Variants in VPS13B observed in about 807,000 individuals in gnomAD.
VPS13B encodes the protein vacuolar protein sorting 13 homolog B.
In VPS13B, 285 loss-of-function variants were observed where a neutral mutation model predicts 426.4. That is an observed-to-expected ratio of 0.67 (90% CI 0.61 to 0.74). The LOEUF (loss-of-function observed/expected upper bound fraction) is 0.74. Ranked by LOEUF, VPS13B falls within the 30% of genes least tolerant of loss-of-function variation. The pLI, the probability that VPS13B is intolerant of heterozygous loss-of-function variation, is 0.00. For missense variants in VPS13B, 4,537 were observed against 4,782.6 expected (o/e 0.95, Z 1.51); for synonymous variants, 1,676 against 1,676.4 (o/e 1.00, Z 0.01).
At chr8:99,865,082 T>C (rs1817030029) in intron 58 of VPS13B, among the ~76,000 whole-genome samples, 1 of 152,108 alleles carries the variant, frequency 6.6e-6, no homozygotes, top group Non-Finnish European at 1.5e-5. Flanking sequence ...CAGGGAAAAG[T>C]GTCTGCTGGC....
intron 25 of VPS13B, among the ~76,000 whole-genome samples, chr8:99,497,520 A>G (rs1820992465): frequency 6.6e-6 from 1 of 151,780 alleles, no homozygotes; most frequent in South Asian, 2.1e-4. Flanking sequence ...TTATTGATTC[A>G]AGAATTAAAA....
At position 99,103,136 on chromosome 8, in the gene VPS13B, G is replaced by A; in HGVS notation, c.580+16G>A. 1 of 1,612,916 alleles carries A rather than the reference G, an allele frequency of 6.2e-7. No individual in the cohort carries two copies. Among genetic ancestry groups the A allele is most frequent in the Non-Finnish European group, 8.5e-7 (1 of 1,179,096 alleles). Reference sequence around the variant, plus strand: ...GATATTTCTGGTGAGTAAATATGGAGAATACCGTATATTTTTCCATAATTG... The same window carrying A: ...GATATTTCTGGTGAGTAAATATGGAAAATACCGTATATTTTTCCATAATTG... On this transcript the variant is annotated intron_variant, in intron 5 of 61. Transcript: ENST00000357162.
intron 33 of VPS13B, among the ~76,000 whole-genome samples, chr8:99,626,716 A>C (rs1182474606): frequency 6.6e-6 from 1 of 152,224 alleles, no homozygotes; most frequent in Non-Finnish European, 1.5e-5. Context: ...ATTATGGAAA[A>C]AAGTATGGAA....
At chr8:99,150,739 A>G (rs1182946955) in intron 14 of VPS13B, among the ~76,000 whole-genome samples, 1 of 152,140 alleles carries the variant, frequency 6.6e-6, no homozygotes, top group East Asian at 1.9e-4. Flanking sequence ...TGCACTTACT[A>G]ATATTCCATT....
chr8:99,469,813 T>A (rs2133519080), intron 24 of VPS13B, among the ~76,000 whole-genome samples: 1 of 152,230 alleles, frequency 6.6e-6, no homozygotes, highest in Middle Eastern at 3.4e-3. Context: ...GTGACTGGTA[T>A]CCTTATAAAA....
At position 99,835,676 on chromosome 8, in the gene VPS13B, C is replaced by A. The variant is rs1333323439; in HGVS notation, c.9880C>A (p.Pro3294Thr). 2 of 1,613,976 alleles carry A rather than the reference C, an allele frequency of 1.2e-6. No homozygotes were observed. Among genetic ancestry groups the A allele is most frequent in the Non-Finnish European group, 1.7e-6 (2 of 1,180,016 alleles). Residue 3294 changes from proline (P) to threonine (T), a missense_variant, in exon 54 of 62, where the codon CCT becomes ACT. Physicochemically the swap from Pro to Thr is conservative, Grantham distance 38. Transcript: ENST00000357162. Reference sequence around the variant, plus strand: ...TCCAAGCCTACTTTTGAGAGTTGAACCTCTAGATGAAGTAACAACTGAGTG... The same window carrying A: ...TCCAAGCCTACTTTTGAGAGTTGAAACTCTAGATGAAGTAACAACTGAGTG... ...LLPSLLLRVE[P>T]LDEVTTEWSD...
chr8:99,692,721 CA>C (rs1437694612), intron 35 of VPS13B, among the ~76,000 whole-genome samples: 25,025 of 133,070 alleles, frequency 0.19, 2,861 homozygotes, highest in East Asian at 0.37. Context: ...AATAGAGAAA[CA>C]AAAAAACCCT....
chr8:99,622,598 T>C (rs1367043410), intron 33 of VPS13B, among the ~76,000 whole-genome samples: 1 of 152,214 alleles, frequency 6.6e-6, no homozygotes, highest in South Asian at 2.1e-4. Flanking sequence ...CTACAGATAA[T>C]TTTATAATGA....
Position 99,049,402 on chromosome 8 carries a change from C to G in VPS13B, c.291+10836C>G, listed in dbSNP as rs549242765. Among the ~76,000 whole-genome samples, 34 of 152,048 alleles carry G rather than the reference C, an allele frequency of 2.2e-4. No individual in the cohort carries two copies. The East Asian group carries it at 4.3e-3, about 19-fold the overall frequency. ...TTTATTTGTCTGAAAAAGACTCTAT[C>G]TTTCCTTCATTTATGAAGCTTAGTT... On this transcript the variant is annotated intron_variant, in intron 3 of 61. Coordinates refer to ENST00000357162, the MANE Select transcript of VPS13B (RefSeq NM_152564.5).
At chr8:99,485,492 G>A (rs892715668) in intron 25 of VPS13B, among the ~76,000 whole-genome samples, 7 of 152,170 alleles carry the variant, frequency 4.6e-5, no homozygotes, top group African/African-American at 1.7e-4. Flanking sequence ...GGCCTTTAGA[G>A]TCTTTGGATG....
At chr8:99,254,756 C>T (rs1272966489) in intron 17 of VPS13B, among the ~76,000 whole-genome samples, 6 of 151,996 alleles carry the variant, frequency 3.9e-5, no homozygotes, top group Admixed American at 3.9e-4. Flanking sequence ...GATTCTCCTG[C>T]CTCAGCCTCT....
At chr8:99,612,725 A>T (rs1372511113) in intron 33 of VPS13B, among the ~76,000 whole-genome samples, 1 of 152,180 alleles carries the variant, frequency 6.6e-6, no homozygotes, top group African/African-American at 2.4e-5. Flanking sequence ...GAACGTCAGC[A>T]TTACTAAAGG....
chr8:99,028,733 T>A, intron 2 of VPS13B, among the ~76,000 whole-genome samples: 2 of 134,054 alleles, frequency 1.5e-5, no homozygotes, highest in African/African-American at 2.8e-5. Flanking sequence ...CCCCCCCACC[T>A]CCCTCCTGGA....
chr8:99,720,450 G>C lies in VPS13B; in HGVS notation c.6763G>C (p.Val2255Leu), dbSNP rs978704426. The C allele has an allele frequency of 6.2e-7, 1 of 1,614,036 alleles. No homozygotes were observed. The highest frequency in any genetic ancestry group is 1.7e-4 in the Middle Eastern group (1 of 6,058). ...TTTTGAAGTACAAGTTTCTGAACCAGTGCCTCAAATGTCATCTCCTGTGGA... is the reference window on the plus strand; with the variant it reads ...TTTTGAAGTACAAGTTTCTGAACCACTGCCTCAAATGTCATCTCCTGTGGA... The part of the protein sequence containing the change: ...GNFEVQVSEP[V>L]PQMSSPVEKN... The change falls in exon 38 of 62, where the codon GTG (valine) becomes CTG (leucine). Residue 2255 changes from valine (V) to leucine (L), a missense_variant. Around this residue, in one of 2 missense-constraint regions of VPS13B, gnomAD observed 4,311 missense variants for 4,474.3 expected, o/e 0.96. Transcript: ENST00000357162.
chr8:99,741,966 A>G (rs1250513546), intron 39 of VPS13B, among the ~76,000 whole-genome samples: 1 of 152,198 alleles, frequency 6.6e-6, no homozygotes, highest in African/African-American at 2.4e-5. Flanking sequence ...GCAAGAAATA[A>G]CTAAGATCAG....
chr8:99,302,757 C>A (rs1035221199), intron 19 of VPS13B, among the ~76,000 whole-genome samples: 2 of 152,106 alleles, frequency 1.3e-5, no homozygotes, highest in African/African-American at 4.8e-5. Context: ...GATCCACCTG[C>A]CTTGGCCTCC....
chr8:99,861,477 C>G (rs1391828313), intron 57 of VPS13B, among the ~76,000 whole-genome samples: 1 of 152,134 alleles, frequency 6.6e-6, no homozygotes, highest in Non-Finnish European at 1.5e-5. Context: ...AATTTTTTAA[C>G]TTTTCATAGA....
intron 30 of VPS13B, among the ~76,000 whole-genome samples, chr8:99,540,044 TATATATATATATATA>T (rs1563785017): frequency 2.4e-4 from 1 of 4,158 alleles, no homozygotes; most frequent in Non-Finnish European, 5.9e-4. Flanking sequence ...TATATATATA[TATATATATATATATA>T]TATATTTTTT....
chr8:99,861,594 C>T (rs375189794), intron 57 of VPS13B, among the ~76,000 whole-genome samples, 182 bp from the exon 58 acceptor site: 21 of 152,212 alleles, frequency 1.4e-4, no homozygotes, highest in African/African-American at 4.8e-4. Flanking sequence ...GAGCCACCAC[C>T]CCAGTTGTTT....
Sources: gnomAD v4.1 joint callset for allele counts (sites outside exome capture counted in the v4.1 genomes callset) on GRCh38, gnomAD v4.1.1 for gene constraint, gnomAD v4.1.1 regional missense constraint, MANE v1.5 for transcripts, NCBI Gene and HGNC (gene_info 2026-07-23, HGNC 2026-07-21) for gene names.